Variants in RTN4RL1 observed in about 807,000 individuals in gnomAD.
The protein encoded by RTN4RL1 is reticulon 4 receptor like 1.
RTN4RL1 carries 7 observed loss-of-function variants against 25.6 expected under a neutral mutation model. The observed-to-expected ratio is 0.27, with a 90% CI of 0.16 to 0.51. RTN4RL1 has a LOEUF of 0.51. Ranked by LOEUF, RTN4RL1 falls within the 20% of genes least tolerant of loss-of-function variation. The pLI, the probability that RTN4RL1 is intolerant of heterozygous loss-of-function variation, is 0.97. For missense variants in RTN4RL1, 500 were observed against 615.6 expected, an observed-to-expected ratio of 0.81 and a Z score of 1.99; for synonymous variants, 297 against 288.2, an observed-to-expected ratio of 1.03 and a Z score of -0.31.
intron 1 of RTN4RL1, among the ~76,000 whole-genome samples, chr17:1,960,201 T>G (rs1244350880): frequency 3.0e-5 from 1 of 32,836 alleles, no homozygotes; most frequent in Non-Finnish European, 7.5e-5. Context: ...ACCCCCACCC[T>G]ACCCTGGGCC....
At chr17:2,014,835 G>T (rs1339840718) in intron 1 of RTN4RL1, among the ~76,000 whole-genome samples, 1 of 144,600 alleles carries the variant, frequency 6.9e-6, no homozygotes, top group Non-Finnish European at 1.5e-5. Context: ...CCATCTCAAA[G>T]GAAAAAAAAA....
chr17:2,024,894 C>T lies in RTN4RL1; in HGVS notation c.-29G>A. ...GGCCACGGGGCCGCCGCTCCGAGGTCGGCCTAGGCGCACTCCCTCCCGGGG... is the reference window on the plus strand; with the variant it reads ...GGCCACGGGGCCGCCGCTCCGAGGTTGGCCTAGGCGCACTCCCTCCCGGGG... On this transcript the variant is annotated 5_prime_UTR_variant, in exon 1 of 2. Transcript: ENST00000331238. 6.3e-7 allele frequency: 1 copy of T among 1,580,724 alleles called. No homozygotes were observed. The highest frequency in any genetic ancestry group is 8.6e-7 in the Non-Finnish European group (1 of 1,164,190).
intron 1 of RTN4RL1, among the ~76,000 whole-genome samples, chr17:1,965,586 A>G (rs554102079): frequency 2.0e-5 from 3 of 152,188 alleles, no homozygotes; most frequent in Admixed American, 2.0e-4. Flanking sequence ...CCCCCTCTGA[A>G]ACACCCAGTT....
chr17:1,939,754 A>G (rs1351510138), intron 1 of RTN4RL1, among the ~76,000 whole-genome samples: 4 of 151,876 alleles, frequency 2.6e-5, no homozygotes, highest in Non-Finnish European at 4.4e-5. Flanking sequence ...GTCATTACCT[A>G]CCTTTTTCCA....
In RTN4RL1 at chr17:1,995,003, CCT is replaced by C. The variant is rs1254037708; in HGVS notation, c.13+29848_13+29849del. Among the ~76,000 whole-genome samples, 7 of 152,150 alleles carry C rather than the reference CCT, an allele frequency of 4.6e-5. No homozygotes were observed. The East Asian group carries it at 7.7e-4, about 17-fold the overall frequency. On this transcript the variant is annotated intron_variant, in intron 1 of 1. Coordinates refer to ENST00000331238, the MANE Select transcript of RTN4RL1 (RefSeq NM_178568.4). ...AGATGGCCAGAAATACTCCCAAGGC[CCT>C]GTGTCTGGAGCATGTGGTTCCCCTG...
rs1458982956 is a variant in RTN4RL1, at chr17:1,998,128, C to T, written c.13+26725G>A. ...TGCCGGGGCTGGCAGGGGAGCCAGA[C>T]GGCGGCGGAGGGGGCGGGGAGGCCT... On this transcript the variant is annotated intron_variant, in intron 1 of 1. Transcript: ENST00000331238. The surrounding 1 kb of genome is among the most constrained non-coding windows in gnomAD (Gnocchi z 4.9). 2.6e-5 allele frequency among the ~76,000 whole-genome samples: 4 copies of T among 152,144 alleles called. No homozygotes were observed. The highest frequency in any genetic ancestry group is 3.2e-3 in the Middle Eastern group (1 of 314).
At chr17:1,974,694 CA>C (rs1411193050) in intron 1 of RTN4RL1, among the ~76,000 whole-genome samples, 2 of 143,226 alleles carry the variant, frequency 1.4e-5, no homozygotes, top group African/African-American at 2.6e-5. Flanking sequence ...GAACTTTGGT[CA>C]GGGGCAGTGC....
intron 1 of RTN4RL1, among the ~76,000 whole-genome samples, chr17:2,004,492 C>G (rs894537812): frequency 1.3e-5 from 2 of 151,984 alleles, no homozygotes; most frequent in South Asian, 4.2e-4. Context: ...GACCCTGTTT[C>G]AGAGACAAGG....
rs373941179 is a variant in RTN4RL1 at position 1,953,812 on chromosome 17, G to A, written c.14-16004C>T. Among the ~76,000 whole-genome samples the A allele has an allele frequency of 7.7e-4, 117 of 152,270 alleles. 2 individuals carry two copies. In the South Asian group the frequency reaches 0.023, roughly 30 times the overall value. On this transcript the variant is annotated intron_variant, in intron 1 of 1. Transcript: ENST00000331238. Reference sequence around the variant, plus strand: ...ACTCCTGACCTCAAGTGACCCACCCGCCTTGGCCTCCCAAAGTGCTGGGAT... The same window carrying A: ...ACTCCTGACCTCAAGTGACCCACCCACCTTGGCCTCCCAAAGTGCTGGGAT...
Position 2,010,047 on chromosome 17 carries a change from C to T in RTN4RL1, c.13+14806G>A, listed in dbSNP as rs147400306. ...CCCTCACTTCGCTTAGGCCTCTGTT[C>T]GAATGTCCGTCTATCAGAAAGACTT... is the stretch of plus-strand genomic sequence containing the variant. On this transcript the variant is annotated intron_variant, in intron 1 of 1. Transcript: ENST00000331238. 8.7e-3 allele frequency among the ~76,000 whole-genome samples: 1,126 copies of T among 128,870 alleles called. 297 individuals are homozygous for T. The highest frequency in any genetic ancestry group is 0.031 in the African/African-American group (1,063 of 33,844). 84.5% of individuals were successfully genotyped at this position (128,870 alleles called of 152,430 possible). A position where few individuals can be genotyped will look rare whatever the true frequency, so the allele number is the denominator to read the frequency against.
intron 1 of RTN4RL1, among the ~76,000 whole-genome samples, chr17:1,976,458 GAGTT>G (rs2066843096): frequency 6.6e-6 from 1 of 152,228 alleles, no homozygotes; most frequent in African/African-American, 2.4e-5. Flanking sequence ...GAGGTTGAGG[GAGTT>G]ACAAAGAGGT....
chr17:1,937,001 C>A lies in RTN4RL1; in HGVS notation c.821G>T (p.Arg274Leu). 6.2e-7 allele frequency: 1 copy of A among 1,604,274 alleles called. No homozygotes were observed. Among genetic ancestry groups the A allele is most frequent in the Non-Finnish European group, 8.5e-7 (1 of 1,178,168 alleles). The part of the protein sequence containing the change: ...RSLWEWLQRF[R>L]GSSSAVPCVS... Reference sequence around the variant, plus strand: ...ACAGGGGACAGCGGAGCTGGAGCCCCGGAACCTCTGCAGCCATTCCCACAG... The same window carrying A: ...ACAGGGGACAGCGGAGCTGGAGCCCAGGAACCTCTGCAGCCATTCCCACAG... Residue 274 changes from arginine to leucine, a missense_variant, in exon 2 of 2, where the codon CGG (arginine) becomes CTG (leucine). Physicochemically the swap from Arg to Leu is moderately radical, Grantham distance 102 (BLOSUM62 -2). Coordinates refer to ENST00000331238, the MANE Select transcript of RTN4RL1 (RefSeq NM_178568.4).
At chr17:1,952,395 A>G (rs557201867) in intron 1 of RTN4RL1, among the ~76,000 whole-genome samples, 5 of 142,438 alleles carry the variant, frequency 3.5e-5, no homozygotes, top group African/African-American at 1.1e-4. Context: ...GGAGTGCAGT[A>G]GTGCGATCTC....
chr17:1,988,240 A>C (rs1485620132), intron 1 of RTN4RL1, among the ~76,000 whole-genome samples: 1 of 151,332 alleles, frequency 6.6e-6, no homozygotes, highest in Non-Finnish European at 1.5e-5. Flanking sequence ...AATGGTGAAA[A>C]CCCGTCTCTA....
At chr17:1,981,636 C>T (rs1299760628) in intron 1 of RTN4RL1, among the ~76,000 whole-genome samples, 1 of 152,216 alleles carries the variant, frequency 6.6e-6, no homozygotes, top group Admixed American at 6.5e-5. Flanking sequence ...CTGCCTCCTT[C>T]CAGCTGAGCC....
chr17:1,972,654 G>A (rs1053485676), intron 1 of RTN4RL1, among the ~76,000 whole-genome samples: 2 of 152,154 alleles, frequency 1.3e-5, no homozygotes, highest in Non-Finnish European at 2.9e-5. Flanking sequence ...CCGCCCACGT[G>A]GAGCTCTCAT....
At chr17:2,006,108 A>C (rs1250042314) in intron 1 of RTN4RL1, among the ~76,000 whole-genome samples, 1 of 149,374 alleles carries the variant, frequency 6.7e-6, no homozygotes, top group Non-Finnish European at 1.5e-5. Context: ...TTTTCTTTTA[A>C]TAGGTAGGCT....
intron 1 of RTN4RL1, among the ~76,000 whole-genome samples, chr17:1,955,855 A>G (rs889168643): frequency 2.3e-4 from 35 of 152,004 alleles, no homozygotes; most frequent in Non-Finnish European, 4.9e-4. Context: ...ACGTGCTGCG[A>G]TTACAGGTAT....
At chr17:2,020,366 G>C (rs960868260) in intron 1 of RTN4RL1, 6 of 152,136 alleles carry the variant, frequency 3.9e-5, no homozygotes, top group Non-Finnish European at 7.3e-5. Flanking sequence ...TCCAAGTCTT[G>C]GTTGCCCCCA....
Sources: allele counts gnomAD v4.1 joint callset (sites outside exome capture counted in the v4.1 genomes callset), GRCh38; gene constraint gnomAD v4.1.1; non-coding constraint Gnocchi (gnomAD v3.1); transcripts MANE v1.5; gene names NCBI Gene and HGNC (gene_info 2026-07-23, HGNC 2026-07-21).